Variants in WNT2B observed in about 807,000 individuals in gnomAD.
WNT2B encodes the protein Wnt family member 2B.
A neutral mutation model predicts 40.5 loss-of-function variants in WNT2B; 19 were observed. The ratio of observed to expected loss-of-function variants is 0.47; its 90% CI spans 0.33 to 0.69. The LOEUF (loss-of-function observed/expected upper bound fraction) is 0.69. Ranked by LOEUF, WNT2B falls within the 30% of genes least tolerant of loss-of-function variation. The pLI, the probability that WNT2B is intolerant of heterozygous loss-of-function variation, is 0.02. For synonymous variants in WNT2B, 220 were observed against 211.9 expected (o/e 1.04, Z -0.33); for missense variants, 467 against 556.4 (o/e 0.84, Z 1.62).
At chr1:112,488,437 C>G (rs1651486707) in intron 1 of WNT2B, among the ~76,000 whole-genome samples, 1 of 151,552 alleles carries the variant, frequency 6.6e-6, no homozygotes, top group Admixed American at 6.6e-5. Context: ...ATTAGATTGG[C>G]CTTCTTCCTT....
chr1:112,490,513 G>A (rs1028689829), intron 1 of WNT2B, among the ~76,000 whole-genome samples: 13 of 146,288 alleles, frequency 8.9e-5, no homozygotes, highest in Non-Finnish European at 1.2e-4. Flanking sequence ...TTTTTGAGAC[G>A]GAGTCTCGCT....
intron 4 of WNT2B, among the ~76,000 whole-genome samples, chr1:112,517,593 T>C (rs1217410197): frequency 6.6e-6 from 1 of 152,214 alleles, no homozygotes; most frequent in Non-Finnish European, 1.5e-5. Context: ...ACTCAGCTCC[T>C]TGAGGCCTGA....
Position 112,509,564 on chromosome 1 carries a change from G to C in WNT2B, c.182+120G>C, listed in dbSNP as rs3790606. ...CTTCGACGGGTTGGAGACGATTCGG[G>C]CAGGACTGTCACTGAAATCTGAAGT... is the stretch of plus-strand genomic sequence containing the variant. On this transcript the variant is annotated intron_variant, in intron 1 of 4. Transcript: ENST00000369684. The surrounding 1 kb of genome is among the most constrained non-coding windows in gnomAD (Gnocchi z 4.2). The C allele has an allele frequency of 0.31, 355,492 of 1,139,278 alleles. 57,456 individuals carry two copies. The highest frequency in any genetic ancestry group is 0.46 in the East Asian group (15,404 of 33,648). The allele number at this position is 1,139,278 out of a possible 1,614,324, so 70.6% of individuals were successfully genotyped here. A position where few individuals can be genotyped will look rare whatever the true frequency, so the allele number is the denominator to read the frequency against.
chr1:112,493,208 A>C (rs1039326907), intron 1 of WNT2B, among the ~76,000 whole-genome samples: 4 of 152,240 alleles, frequency 2.6e-5, no homozygotes, highest in African/African-American at 9.6e-5. Flanking sequence ...AAGAAATGCT[A>C]GAGATCCTGC....
Position 112,522,675 on chromosome 1 carries a change from G to A in WNT2B, c.*2166G>A, listed in dbSNP as rs1652945775. On this transcript the variant is annotated 3_prime_UTR_variant, in exon 5 of 5. Coordinates refer to ENST00000369684, the MANE Select transcript of WNT2B (RefSeq NM_024494.3). ...ATTTGTGTAACCTGCTGAGACCTGT[G>A]TGGGAGAGTTTAGGGTGGTTTTTCT... 1 of 152,294 alleles carries A rather than the reference G, an allele frequency of 6.6e-6. No homozygotes were observed. The highest frequency in any genetic ancestry group is 6.5e-5 in the Admixed American group (1 of 15,286). The allele number at this position is 152,294 out of a possible 1,614,324, so 9.4% of individuals were successfully genotyped here.
intron 1 of WNT2B, among the ~76,000 whole-genome samples, chr1:112,511,141 T>C (rs557029628): frequency 3.9e-5 from 6 of 152,224 alleles, no homozygotes; most frequent in African/African-American, 1.4e-4. Flanking sequence ...CATTTTGTAC[T>C]CTTGACTACT....
At chr1:112,490,264 A>T (rs551632795) in intron 1 of WNT2B, among the ~76,000 whole-genome samples, 1 of 152,298 alleles carries the variant, frequency 6.6e-6, no homozygotes, top group Non-Finnish European at 1.5e-5. Flanking sequence ...CTGTTGGAGA[A>T]AGGTCCTGGG....
At chr1:112,481,841 T>A (rs1303360481) in intron 1 of WNT2B, among the ~76,000 whole-genome samples, 1 of 151,280 alleles carries the variant, frequency 6.6e-6, no homozygotes, top group Non-Finnish European at 1.5e-5. Flanking sequence ...GAGACCCCCA[T>A]ATCTACAAAA....
intron 1 of WNT2B, among the ~76,000 whole-genome samples, chr1:112,467,745 T>C (rs957620727): frequency 1.9e-4 from 29 of 152,248 alleles, no homozygotes; most frequent in Middle Eastern, 6.3e-3. Flanking sequence ...GTATGTATAA[T>C]GGTCAAGTCA....
rs534195534 is a variant in WNT2B, at chr1:112,514,214, G to T, written c.183-660G>T. On this transcript the variant is annotated intron_variant, in intron 1 of 4. Transcript: ENST00000369684. ...AGGTTGGGGAAGATGGTTTTAAAAG[G>T]TTCATTAGTTAAGAAAGGCCCTGGG... is the stretch of plus-strand genomic sequence containing the variant. Among the ~76,000 whole-genome samples, 12 of 152,320 alleles carry T rather than the reference G, an allele frequency of 7.9e-5. No individual in the cohort carries two copies. In the South Asian group the frequency reaches 2.5e-3, roughly 32 times the overall value.
chr1:112,525,613 T>C lies in WNT2B; in HGVS notation c.*5104T>C, dbSNP rs1298664015. ...TCCCACTGGCCCCCTAACGGTTAAC[T>C]ATCCTGGCTTAAAATTTTCCTTTGC... On this transcript the variant is annotated 3_prime_UTR_variant, in exon 5 of 5. Transcript: ENST00000369684. 6.4e-6 allele frequency: 1 copy of C among 156,024 alleles called. No individual in the cohort carries two copies. The highest frequency in any genetic ancestry group is 1.4e-5 in the Non-Finnish European group (1 of 70,474). The allele number at this position is 156,024 out of a possible 1,614,324, so 9.7% of individuals were successfully genotyped here.
intron 1 of WNT2B, among the ~76,000 whole-genome samples, chr1:112,474,536 A>G (rs907163366): frequency 6.6e-6 from 1 of 152,244 alleles, no homozygotes; most frequent in Non-Finnish European, 1.5e-5. Context: ...CTCATTAGTA[A>G]TGACACAATC....
At chr1:112,497,462 A>G (rs1651814572) in intron 1 of WNT2B, among the ~76,000 whole-genome samples, 1 of 152,224 alleles carries the variant, frequency 6.6e-6, no homozygotes, top group Non-Finnish European at 1.5e-5. Flanking sequence ...AGACCCACAT[A>G]GCAAAGATTT....
rs1653711321 is a variant in WNT2B, at chr1:112,527,829, C to G, written c.*7320C>G. 1 of 152,140 alleles carries G rather than the reference C, an allele frequency of 6.6e-6. No homozygotes were observed. Among genetic ancestry groups the G allele is most frequent in the Non-Finnish European group, 1.5e-5 (1 of 68,042 alleles). 9.4% of individuals were successfully genotyped at this position (152,140 alleles called of 1,614,324 possible). ...CACACATGCTGAGGTGGAGGCCAAC[C>G]CTGAACACATGCGCTGCTTCTTTAG... is the stretch of plus-strand genomic sequence containing the variant. On this transcript the variant is annotated 3_prime_UTR_variant, in exon 5 of 5. Transcript: ENST00000369684.
chr1:112,471,471 T>C (rs1650878495), intron 1 of WNT2B, among the ~76,000 whole-genome samples: 1 of 152,244 alleles, frequency 6.6e-6, no homozygotes, highest in African/African-American at 2.4e-5. Flanking sequence ...CTATTGGAGG[T>C]ATGATTATCT....
chr1:112,473,900 C>CA (rs1253321068), intron 1 of WNT2B, among the ~76,000 whole-genome samples: 4,232 of 114,386 alleles, frequency 0.037, 79 homozygotes, highest in Non-Finnish European at 0.054. Flanking sequence ...ACTAAAAATA[C>CA]AAAAAAAAAA....
At position 112,524,145 on chromosome 1, in the gene WNT2B, G is replaced by A. The variant is rs760378258; in HGVS notation, c.*3636G>A. On this transcript the variant is annotated 3_prime_UTR_variant, in exon 5 of 5. Coordinates refer to ENST00000369684, the MANE Select transcript of WNT2B (RefSeq NM_024494.3). ...TGCAGGGAGTAATTTCTTCTCCTTT[G>A]TCTCACTTCCCTTATCAAGAACACC... 7 of 152,360 alleles carry A rather than the reference G, an allele frequency of 4.6e-5. No individual in the cohort carries two copies. The highest frequency in any genetic ancestry group is 1.0e-4 in the Non-Finnish European group (7 of 68,026). 9.4% of individuals were successfully genotyped at this position (152,360 alleles called of 1,614,324 possible).
At chr1:112,513,489 G>A (rs1168951830) in intron 1 of WNT2B, among the ~76,000 whole-genome samples, 20 of 145,606 alleles carry the variant, frequency 1.4e-4, no homozygotes, top group Admixed American at 1.4e-3. Flanking sequence ...GTTTGTTTGA[G>A]TTGGTGTCAC....
intron 1 of WNT2B, among the ~76,000 whole-genome samples, chr1:112,503,267 A>G (rs985646655): frequency 1.3e-5 from 2 of 152,124 alleles, no homozygotes; most frequent in East Asian, 3.9e-4. Flanking sequence ...GGTCCCACAG[A>G]AGGAACTAGA....
Sources: allele counts gnomAD v4.1 joint callset (sites outside exome capture counted in the v4.1 genomes callset), GRCh38; gene constraint gnomAD v4.1.1; non-coding constraint Gnocchi (gnomAD v3.1); transcripts MANE v1.5; gene names NCBI Gene and HGNC (gene_info 2026-07-23, HGNC 2026-07-21).